NADK2: variants seen among roughly 807,000 people sequenced by gnomAD.
NADK2 encodes the protein NAD kinase domain-containing protein 1, mitochondrial.
Under a neutral mutation model 62.1 loss-of-function variants are expected in NADK2, and 35 were observed. The ratio of observed to expected loss-of-function variants is 0.56; its 90% CI spans 0.43 to 0.75. The LOEUF (loss-of-function observed/expected upper bound fraction) is 0.75. NADK2 is among the 30% of genes least tolerant of loss of function. The probability of loss-of-function intolerance (pLI) is 0.00; values close to 1 mark genes in which losing one functional copy is unlikely to be tolerated. For synonymous variants in NADK2, 205 were observed against 207.9 expected (o/e 0.99, Z 0.12); for missense variants, 439 against 561.3 (o/e 0.78, Z 2.20).
At chr5:36,233,187 A>G (rs1747772399) in intron 1 of NADK2, among the ~76,000 whole-genome samples, 1 of 152,168 alleles carries the variant, frequency 6.6e-6, no homozygotes, top group Non-Finnish European at 1.5e-5. Context: ...TATCTGGTCT[A>G]ATGCAAAAGC....
Position 36,241,573 on chromosome 5 carries a change from T to C in NADK2, c.226A>G (p.Lys76Glu). 6.5e-7 allele frequency: 1 copy of C among 1,547,450 alleles called. No homozygotes were observed. Among genetic ancestry groups the C allele is most frequent in the Non-Finnish European group, 8.6e-7 (1 of 1,156,860 alleles). ...TGCTCGAACTCGTACCGGGTGGTTTTGGCCACCACCACCACCCGGGAGGGG... is the reference window on the plus strand; with the variant it reads ...TGCTCGAACTCGTACCGGGTGGTTTCGGCCACCACCACCACCCGGGAGGGG... ...FRPSRVVVVAKTTRYEFEQQR... is the reference protein window; with the variant it reads ...FRPSRVVVVAETTRYEFEQQR... Residue 76 changes from lysine (K) to glutamate (E), a missense_variant, in exon 1 of 12, where the codon AAA becomes GAA. Lys to Glu is a moderately conservative substitution (Grantham distance 56). Transcript: ENST00000381937. This position sits in a 1 kb window ranked among gnomAD's most constrained non-coding sequence, Gnocchi z 4.9.
intron 4 of NADK2, among the ~76,000 whole-genome samples, chr5:36,224,107 G>C (rs1364414521): frequency 6.6e-6 from 1 of 152,166 alleles, no homozygotes; most frequent in Non-Finnish European, 1.5e-5. Flanking sequence ...ATGGGGAAGA[G>C]AGATGAGTAG....
intron 5 of NADK2, among the ~76,000 whole-genome samples, chr5:36,218,449 C>T (rs986665443): frequency 2.6e-5 from 4 of 152,170 alleles, no homozygotes; most frequent in Middle Eastern, 3.4e-3. Context: ...ATCAATGTAT[C>T]GAAAGTCAAT....
chr5:36,221,228 T>C (rs1273939838), intron 4 of NADK2: 1 of 152,148 alleles, frequency 6.6e-6, no homozygotes, highest in African/African-American at 2.4e-5. Flanking sequence ...AAGAGATGGA[T>C]AGAAATTACA....
rs1746602669 is a variant in NADK2, at chr5:36,205,501, G to T, written c.956+1669C>A. On this transcript the variant is annotated intron_variant, in intron 8 of 11. Coordinates refer to ENST00000381937, the MANE Select transcript of NADK2 (RefSeq NM_001085411.3). The surrounding 1 kb of genome is among the most constrained non-coding windows in gnomAD (Gnocchi z 4.1). ...CATAGGTGGGGGTAAGGGTAGGGCA[G>T]GAATAAGGCCAATAAGATCGCTAAG... is the stretch of plus-strand genomic sequence containing the variant. Among the ~76,000 whole-genome samples the T allele has an allele frequency of 6.6e-6, 1 of 152,026 alleles. No individual in the cohort carries two copies. Among genetic ancestry groups the T allele is most frequent in the Non-Finnish European group, 1.5e-5 (1 of 67,988 alleles).
chr5:36,219,573 G>A (rs1747177815), intron 5 of NADK2, 23 bp downstream of exon 5: 1 of 1,591,982 alleles, frequency 6.3e-7, no homozygotes, highest in Non-Finnish European at 8.6e-7. Context: ...ACTTACATAA[G>A]AACAACCGTA....
chr5:36,229,052 T>C (rs553711239), intron 1 of NADK2, among the ~76,000 whole-genome samples: 2 of 152,260 alleles, frequency 1.3e-5, no homozygotes, highest in South Asian at 2.1e-4. Context: ...ACTAACAATA[T>C]GGAAAATGCA....
Position 36,214,737 on chromosome 5 carries a change from C to T in NADK2, c.782-2815G>A, listed in dbSNP as rs76901139. ...TAAGATCTTCTATGTTCTCTGTTTT[C>T]TCCCCACAAGATGCAGAGGATCCAA... is the stretch of plus-strand genomic sequence containing the variant. On this transcript the variant is annotated intron_variant, in intron 6 of 11. Transcript: ENST00000381937. Among the ~76,000 whole-genome samples, 1,844 of 152,280 alleles carry T rather than the reference C, an allele frequency of 0.012. 155 individuals carry two copies. The East Asian group carries it at 0.21, about 18-fold the overall frequency.
Position 36,211,925 on chromosome 5 carries a change from G to T in NADK2, c.782-3C>A, listed in dbSNP as rs778913995. 2 of 1,607,826 alleles carry T rather than the reference G, an allele frequency of 1.2e-6. No homozygotes were observed. The highest frequency in any genetic ancestry group is 1.7e-6 in the Non-Finnish European group (2 of 1,177,012). Reference sequence around the variant, plus strand: ...TTGGGGTCCTGAAGCCTCAGACCCTGCATGTAATTTAAGACAAAGAAAATC... The same window carrying T: ...TTGGGGTCCTGAAGCCTCAGACCCTTCATGTAATTTAAGACAAAGAAAATC... On this transcript the variant is annotated splice_region_variant and splice_polypyrimidine_tract_variant and intron_variant, in intron 6 of 11. Coordinates refer to ENST00000381937, the MANE Select transcript of NADK2 (RefSeq NM_001085411.3).
intron 4 of NADK2, 122 bp from the exon 5 acceptor site, chr5:36,219,801 T>A: frequency 1.5e-6 from 1 of 688,710 alleles, no homozygotes; most frequent in Non-Finnish European, 2.4e-6. Flanking sequence ...TAAAAATGTC[T>A]ACCCTATATT....
rs1023272725 is a variant in NADK2, at chr5:36,230,041, T to G, written c.301-2476A>C. Among the ~76,000 whole-genome samples the G allele has an allele frequency of 4.0e-5, 6 of 151,870 alleles. No individual in the cohort carries two copies. The East Asian group carries it at 9.9e-4, about 25-fold the overall frequency. Reference sequence around the variant, plus strand: ...ACACGTGAACCACTGCACAAGCCTCTGACAGGGGTTCCCTACTTCCACTCT... The same window carrying G: ...ACACGTGAACCACTGCACAAGCCTCGGACAGGGGTTCCCTACTTCCACTCT... On this transcript the variant is annotated intron_variant, in intron 1 of 11. Transcript: ENST00000381937.
intron 4 of NADK2, chr5:36,221,740 A>G (rs529199821): frequency 5.9e-5 from 9 of 152,382 alleles, no homozygotes; most frequent in African/African-American, 2.2e-4. Flanking sequence ...AAATTTATGA[A>G]TATGAAGCCA....
intron 10 of NADK2, among the ~76,000 whole-genome samples, chr5:36,198,506 G>C (rs1746315484): frequency 6.6e-6 from 1 of 151,044 alleles, no homozygotes; most frequent in Admixed American, 6.6e-5. Flanking sequence ...TCTGAAGATA[G>C]TCAAATCTTG....
chr5:36,237,182 G>C (rs1003477767), intron 1 of NADK2, among the ~76,000 whole-genome samples: 3 of 152,150 alleles, frequency 2.0e-5, no homozygotes, highest in Non-Finnish European at 4.4e-5. Context: ...ATTTGTCTTA[G>C]AGCTTGATTT....
intron 4 of NADK2, among the ~76,000 whole-genome samples, chr5:36,222,932 C>T (rs1227161814): frequency 6.6e-6 from 1 of 152,166 alleles, no homozygotes; most frequent in South Asian, 2.1e-4. Flanking sequence ...GTACATGTTA[C>T]AATTTTAATA....
chr5:36,235,321 A>G (rs541950687), intron 1 of NADK2, among the ~76,000 whole-genome samples: 1 of 152,348 alleles, frequency 6.6e-6, no homozygotes, highest in South Asian at 2.1e-4. Context: ...ATGCTATTTC[A>G]GGTACATAAT....
chr5:36,208,917 T>C (rs549589513), intron 7 of NADK2, among the ~76,000 whole-genome samples: 10 of 152,124 alleles, frequency 6.6e-5, no homozygotes, highest in Non-Finnish European at 1.3e-4. Context: ...GACCTTGTGC[T>C]AGTTATTTGA....
rs201353448 is a variant in NADK2 at position 36,226,543 on chromosome 5, C to T, written c.410G>A (p.Arg137His). 52 of 1,612,494 alleles carry T rather than the reference C, an allele frequency of 3.2e-5. 1 individual carries two copies. Among genetic ancestry groups the T allele is most frequent in the African/African-American group, 2.3e-4 (17 of 74,980 alleles). Reference sequence around the variant, plus strand: ...ATCATATTCTCTCCTCTTTACTAGACGAACCTCAATTCCCTCATTCCTAGG... The same window carrying T: ...ATCATATTCTCTCCTCTTTACTAGATGAACCTCAATTCCCTCATTCCTAGG... ...DSLRNEGIEV[R>H]LVKRREYDEE... The change falls in exon 3 of 12, where the codon CGT becomes CAT. Residue 137 changes from arginine to histidine, a missense_variant. Arg to His is a conservative substitution (Grantham distance 29). Coordinates refer to ENST00000381937, the MANE Select transcript of NADK2 (RefSeq NM_001085411.3).
intron 6 of NADK2, among the ~76,000 whole-genome samples, chr5:36,216,786 T>C (rs1313345437): frequency 6.6e-6 from 1 of 152,152 alleles, no homozygotes; most frequent in Non-Finnish European, 1.5e-5. Context: ...CATCTATTAG[T>C]GGTAGAAGTA....
Sources: allele counts gnomAD v4.1 joint callset (sites outside exome capture counted in the v4.1 genomes callset), GRCh38; gene constraint gnomAD v4.1.1; non-coding constraint Gnocchi (gnomAD v3.1); transcripts MANE v1.5; gene names NCBI Gene and HGNC (gene_info 2026-07-23, HGNC 2026-07-21).